Variants in BCR observed in about 807,000 individuals in gnomAD.
BCR encodes the protein BCR activator of RhoGEF and GTPase.
Under a neutral mutation model 138.6 loss-of-function variants are expected in BCR, and 58 were observed. The observed-to-expected ratio is 0.42, with a 90% confidence interval of 0.34 to 0.52. The LOEUF (loss-of-function observed/expected upper bound fraction) is 0.52, where lower values mean the gene tolerates loss of function less well. Among genes scored for constraint, BCR ranks in the 20% least tolerant of loss-of-function variants. The pLI is 0.06. For missense variants in BCR, 1,599 were observed against 1,727.2 expected, an observed-to-expected ratio of 0.93 and a Z score of 1.32; for synonymous variants, 786 against 730.1, an observed-to-expected ratio of 1.08 and a Z score of -1.23.
intron 8 of BCR, among the ~76,000 whole-genome samples, chr22:23,276,681 C>T (rs2073580744): frequency 6.6e-6 from 1 of 152,256 alleles, no homozygotes; most frequent in Non-Finnish European, 1.5e-5. Context: ...TGCTTTGCCC[C>T]TGCCCCTGCC....
At chr22:23,302,622 C>T (rs969677769) in intron 16 of BCR, 1 of 152,342 alleles carries the variant, frequency 6.6e-6, no homozygotes, top group Non-Finnish European at 1.5e-5. Flanking sequence ...TCATGCACAT[C>T]CTCTCTCAGG....
chr22:23,253,859 G>A lies in BCR; in HGVS notation c.1340G>A (p.Arg447His), dbSNP rs1302621798. 18 of 1,613,062 alleles carry A rather than the reference G, an allele frequency of 1.1e-5. No individual in the cohort carries two copies. Among genetic ancestry groups the A allele is most frequent in the Non-Finnish European group, 1.4e-5 (16 of 1,180,020 alleles). Residue 447 changes from arginine to histidine, a missense_variant, in exon 2 of 23, where the codon CGC (arginine) becomes CAC (histidine). Arg to His is a conservative substitution (Grantham distance 29, BLOSUM62 0). Coordinates refer to ENST00000305877, the MANE Select transcript of BCR (RefSeq NM_004327.4). The stretch of plus-strand genomic sequence containing the variant: ...GCTGCAGACCGGGCAGAGGAGCAGC[G>A]CCGGCACCAAGATGGGCTGCCCTAC... ...GCAADRAEEQ[R>H]RHQDGLPYID...
rs917441332 is a variant in BCR, at chr22:23,268,954, G to T, written c.1860+439G>T. Among the ~76,000 whole-genome samples the T allele has an allele frequency of 2.0e-5, 3 of 152,132 alleles. No individual in the cohort carries two copies. The East Asian group carries it at 5.8e-4, about 29-fold the overall frequency. On this transcript the variant is annotated intron_variant, in intron 5 of 22. Coordinates refer to ENST00000305877, the MANE Select transcript of BCR (RefSeq NM_004327.4). The stretch of plus-strand genomic sequence containing the variant: ...GAGGAAGCATTGAGGGGCTAGCGCC[G>T]TGGGGCGAGGGCTCATGGCACCTGT...
At position 23,192,170 on chromosome 22, in the gene BCR, G is replaced by GT. The variant is rs1311350492; in HGVS notation, c.1279+9934dup. ...GAGGCTGCTTCATGGGCCCTCGAAA[G>GT]TTTCTTGTAAAGTGGCTGGAGCAGG... On this transcript the variant is annotated intron_variant, in intron 1 of 22. Transcript: ENST00000305877. Among the ~76,000 whole-genome samples, 6 of 152,316 alleles carry GT rather than the reference G, an allele frequency of 3.9e-5. No homozygotes were observed. The East Asian group carries it at 9.6e-4, about 24-fold the overall frequency.
intron 22 of BCR, 26 bp downstream of exon 22, chr22:23,314,740 T>C (rs2074049326): frequency 2.5e-6 from 4 of 1,611,550 alleles, no homozygotes; most frequent in Non-Finnish European, 3.4e-6. Flanking sequence ...CTCCAGCCCA[T>C]GCAACCCTGA....
chr22:23,220,099 G>C (rs1191490127), intron 1 of BCR, among the ~76,000 whole-genome samples: 1 of 152,200 alleles, frequency 6.6e-6, no homozygotes, highest in Non-Finnish European at 1.5e-5. Context: ...GTGTGGGCAC[G>C]GTTCCCTCTA....
intron 1 of BCR, among the ~76,000 whole-genome samples, chr22:23,252,424 TTTC>T (rs1201014063): frequency 1.8e-5 from 2 of 113,372 alleles, no homozygotes; most frequent in Non-Finnish European, 3.7e-5. Flanking sequence ...TTCTTTTTCT[TTTC>T]TTTTCTTTTT....
intron 1 of BCR, among the ~76,000 whole-genome samples, chr22:23,184,991 G>C (rs1317913859): frequency 6.6e-6 from 1 of 152,128 alleles, no homozygotes; most frequent in African/African-American, 2.4e-5. Flanking sequence ...TAATAACCTC[G>C]GAATCAGTCT....
At chr22:23,229,763 T>TC (rs2072933568) in intron 1 of BCR, among the ~76,000 whole-genome samples, 1 of 152,150 alleles carries the variant, frequency 6.6e-6, no homozygotes, top group Non-Finnish European at 1.5e-5. Context: ...CTTCCCCATG[T>TC]CCCCCCTTTC....
Position 23,300,660 on chromosome 22 carries a change from TGA to T in BCR, c.3012+5509_3012+5510del, listed in dbSNP as rs772816917. Among the ~76,000 whole-genome samples the T allele has an allele frequency of 1.1e-3, 166 of 152,130 alleles. 2 individuals are homozygous for T. Among genetic ancestry groups the T allele is most frequent in the Non-Finnish European group, 3.4e-4 (23 of 68,018 alleles). On this transcript the variant is annotated intron_variant, in intron 16 of 22. Transcript: ENST00000305877. ...TGGACCTCACTGCGTGGTGGGGACT[TGA>T]GAGCAGCTGCCAGGGTGCCACCAGG...
chr22:23,305,593 C>G (rs936437895), intron 16 of BCR, among the ~76,000 whole-genome samples: 6 of 152,216 alleles, frequency 3.9e-5, no homozygotes, highest in African/African-American at 1.2e-4. Context: ...GCTTCGGCCT[C>G]CCTCAGCCCC....
chr22:23,192,396 A>G (rs2146201560), intron 1 of BCR, among the ~76,000 whole-genome samples: 1 of 152,290 alleles, frequency 6.6e-6, no homozygotes, highest in East Asian at 1.9e-4. Context: ...TTTGCTCAGC[A>G]AACCGGTTTT....
intron 1 of BCR, among the ~76,000 whole-genome samples, chr22:23,229,518 C>T (rs2072930323): frequency 6.6e-6 from 1 of 151,958 alleles, no homozygotes; most frequent in Non-Finnish European, 1.5e-5. Flanking sequence ...GGCAGTCAAC[C>T]CAGTTAGATT....
chr22:23,274,424 C>T (rs1412201064), intron 8 of BCR, among the ~76,000 whole-genome samples: 1 of 152,206 alleles, frequency 6.6e-6, no homozygotes. Flanking sequence ...CATTCCCAGG[C>T]AGGTAGCAGC....
chr22:23,198,948 G>C (rs2071435), intron 1 of BCR, among the ~76,000 whole-genome samples: 50,388 of 151,800 alleles, frequency 0.33, 8,966 homozygotes, highest in African/African-American at 0.46. Flanking sequence ...GGCGAAACCC[G>C]GTCTCTATTA....
intron 1 of BCR, among the ~76,000 whole-genome samples, chr22:23,191,308 C>T (rs919724556): frequency 2.0e-5 from 3 of 152,200 alleles, no homozygotes; most frequent in East Asian, 1.9e-4. Flanking sequence ...TTATTAAAAA[C>T]GAAGGCAACC....
At chr22:23,281,192 G>C (rs1442387037) in intron 8 of BCR, among the ~76,000 whole-genome samples, 1 of 152,232 alleles carries the variant, frequency 6.6e-6, no homozygotes, top group Admixed American at 6.5e-5. Flanking sequence ...GCCCCGGGGA[G>C]CCAAAGTGTG....
intron 1 of BCR, among the ~76,000 whole-genome samples, chr22:23,224,906 G>A (rs2072870693): frequency 6.6e-6 from 1 of 152,036 alleles, no homozygotes. Flanking sequence ...AACCTGGACA[G>A]AGTGGCCCCC....
chr22:23,293,882 A>G (rs1179679264), intron 15 of BCR, among the ~76,000 whole-genome samples: 1 of 145,384 alleles, frequency 6.9e-6, no homozygotes, highest in African/African-American at 2.6e-5. Flanking sequence ...TTTCCCCGCC[A>G]AGAAGCCATG....
Sources: gnomAD v4.1 joint callset for allele counts (sites outside exome capture counted in the v4.1 genomes callset) on GRCh38, gnomAD v4.1.1 for gene constraint, MANE v1.5 for transcripts, NCBI Gene and HGNC (gene_info 2026-07-23, HGNC 2026-07-21) for gene names.